PTPRQ: variants seen among roughly 807,000 people sequenced by gnomAD.
PTPRQ encodes protein tyrosine phosphatase receptor type Q.
Under a neutral mutation model 246.0 loss-of-function variants are expected in PTPRQ, and 199 were observed. That is an observed-to-expected ratio of 0.81 (90% CI 0.72 to 0.91). PTPRQ has a LOEUF of 0.91. Among genes scored for constraint, PTPRQ ranks in the 40% least tolerant of loss-of-function variants. PTPRQ has a pLI of 0.00. For missense variants in PTPRQ, 2,624 were observed against 2,528.4 expected (o/e 1.04, Z -0.81); for synonymous variants, 869 against 853.2 (o/e 1.02, Z -0.32).
At chr12:80,676,458 C>T (rs534239217) in intron 43 of PTPRQ, among the ~76,000 whole-genome samples, 50 of 152,270 alleles carry the variant, frequency 3.3e-4, no homozygotes, top group African/African-American at 1.1e-3. Context: ...GCCTGACCAA[C>T]ATGGTGAAAC....
chr12:80,674,665 C>T (rs529733909), intron 43 of PTPRQ, among the ~76,000 whole-genome samples: 16 of 152,212 alleles, frequency 1.1e-4, no homozygotes, highest in South Asian at 1.0e-3. Context: ...AATTGAAAAG[C>T]ATGAGATAAA....
intron 5 of PTPRQ, among the ~76,000 whole-genome samples, chr12:80,459,919 G>A (rs1592529341): frequency 1.3e-5 from 2 of 152,122 alleles, no homozygotes; most frequent in Admixed American, 6.5e-5. Context: ...GTACATGTAG[G>A]GTAATAGTTG....
intron 43 of PTPRQ, 95 bp downstream of exon 43, chr12:80,673,399 C>T (rs1901035760): frequency 1.3e-5 from 19 of 1,461,844 alleles, no homozygotes; most frequent in Non-Finnish European, 1.5e-5. Flanking sequence ...GAGCTTGAAG[C>T]TGTGGACACC....
chr12:80,673,385 A>G (rs2121292162), intron 43 of PTPRQ, 81 bp downstream of exon 43: 2 of 1,496,156 alleles, frequency 1.3e-6, no homozygotes, highest in South Asian at 1.3e-5. Flanking sequence ...ATCTGGATGG[A>G]CATGAGCTTG....
chr12:80,454,385 A>C (rs1592521740), intron 3 of PTPRQ: 1 of 297,224 alleles, frequency 3.4e-6, no homozygotes, highest in Non-Finnish European at 6.0e-6. Flanking sequence ...ACTGTCCTGC[A>C]CCCACTGTCT....
intron 25 of PTPRQ, among the ~76,000 whole-genome samples, chr12:80,574,068 TA>T (rs1172256235): frequency 1.3e-5 from 2 of 151,414 alleles, no homozygotes; most frequent in African/African-American, 2.4e-5. Context: ...TAGTTTCAGT[TA>T]AAAAAAAAGT....
chr12:80,532,692 A>G (rs189604199), intron 17 of PTPRQ, among the ~76,000 whole-genome samples: 2 of 152,276 alleles, frequency 1.3e-5, no homozygotes, highest in East Asian at 1.9e-4. Context: ...TCTGGTCTCA[A>G]TGGAGTCAAA....
chr12:80,539,026 A>G (rs1896070807), intron 19 of PTPRQ, among the ~76,000 whole-genome samples: 1 of 152,164 alleles, frequency 6.6e-6, no homozygotes, highest in East Asian at 1.9e-4. Flanking sequence ...ATTCATACTG[A>G]TTAGCTATGT....
intron 12 of PTPRQ, 91 bp downstream of exon 12, chr12:80,495,462 C>A: frequency 2.1e-5 from 29 of 1,397,622 alleles, no homozygotes; most frequent in Non-Finnish European, 2.6e-5. Flanking sequence ...GCCTTATATA[C>A]TACAGAACAC....
chr12:80,657,816 T>C (rs1900493430), intron 38 of PTPRQ, among the ~76,000 whole-genome samples, 169 bp from the exon 39 acceptor site: 1 of 151,888 alleles, frequency 6.6e-6, no homozygotes, highest in South Asian at 2.1e-4. Flanking sequence ...TTAATAGTCA[T>C]TGTCTCTGGG....
At chr12:80,583,206 C>A (rs186010337) in intron 25 of PTPRQ, among the ~76,000 whole-genome samples, 13 of 152,302 alleles carry the variant, frequency 8.5e-5, no homozygotes, top group Admixed American at 5.9e-4. Context: ...TTTGCTCACA[C>A]ATTCAAAAAA....
At chr12:80,614,630 G>A (rs1045738429) in intron 29 of PTPRQ, among the ~76,000 whole-genome samples, 14 of 150,652 alleles carry the variant, frequency 9.3e-5, no homozygotes, top group African/African-American at 2.9e-4. Context: ...ATCTTTTGGG[G>A]ATTCTTTTTG....
chr12:80,521,894 G>A (rs1895505321), intron 17 of PTPRQ, among the ~76,000 whole-genome samples: 1 of 152,118 alleles, frequency 6.6e-6, no homozygotes, highest in Admixed American at 6.6e-5. Context: ...TTCCAATTCT[G>A]TGAAGAAAGT....
At chr12:80,628,870 G>T (rs751212057) in intron 33 of PTPRQ, among the ~76,000 whole-genome samples, 5 of 151,826 alleles carry the variant, frequency 3.3e-5, no homozygotes, top group Non-Finnish European at 7.4e-5. Context: ...GCAGGGAGTT[G>T]TGTCTTTCAA....
intron 39 of PTPRQ, among the ~76,000 whole-genome samples, chr12:80,663,172 A>G (rs1248882709): frequency 6.6e-6 from 1 of 151,964 alleles, no homozygotes; most frequent in East Asian, 1.9e-4. Flanking sequence ...AATATAAAAT[A>G]ATATTTCAAA....
intron 33 of PTPRQ, among the ~76,000 whole-genome samples, chr12:80,624,498 C>A: frequency 6.6e-6 from 1 of 152,220 alleles, no homozygotes; most frequent in East Asian, 1.9e-4. Context: ...TCATTTATAG[C>A]GAGTAAGACA....
intron 41 of PTPRQ, among the ~76,000 whole-genome samples, chr12:80,669,974 C>A (rs192831207): frequency 6.6e-6 from 1 of 152,092 alleles, no homozygotes; most frequent in South Asian, 2.1e-4. Flanking sequence ...GATCTTTATA[C>A]TTTTCACATA....
At chr12:80,513,232 G>A (rs1895176767) in intron 17 of PTPRQ, among the ~76,000 whole-genome samples, 1 of 152,080 alleles carries the variant, frequency 6.6e-6, no homozygotes, top group South Asian at 2.1e-4. Flanking sequence ...TTATTGAGTG[G>A]AGATAACTCT....
intron 5 of PTPRQ, 136 bp from the exon 6 acceptor site, chr12:80,460,517 A>G (rs910011077): frequency 5.1e-6 from 2 of 392,998 alleles, no homozygotes; most frequent in Admixed American, 8.9e-5. Context: ...AAAATCTAGC[A>G]AATTTGTCTA....
Sources: gnomAD v4.1 joint callset for allele counts (sites outside exome capture counted in the v4.1 genomes callset) on GRCh38, gnomAD v4.1.1 for gene constraint, MANE v1.5 for transcripts, NCBI Gene and HGNC (gene_info 2026-07-23, HGNC 2026-07-21) for gene names.